The following DNAAF4 variants were observed in gnomAD, a reference collection of about 807,000 sequenced individuals.
The protein encoded by DNAAF4 is dynein axonemal assembly factor 4.
Under a neutral mutation model 51.8 loss-of-function variants are expected in DNAAF4, and 43 were observed. That is an observed-to-expected ratio of 0.83 (90% CI 0.65 to 1.07). The LOEUF (loss-of-function observed/expected upper bound fraction) is 1.07. DNAAF4 is among the 50% of genes least tolerant of loss of function. The pLI is 0.00. For synonymous variants in DNAAF4, 194 were observed against 165.6 expected (o/e 1.17, Z -1.32); for missense variants, 581 against 493.0 (o/e 1.18, Z -1.69).
chr15:55,446,302 G>T (rs1161010465), intron 6 of DNAAF4, among the ~76,000 whole-genome samples: 3 of 113,138 alleles, frequency 2.7e-5, no homozygotes, highest in Admixed American at 8.5e-5. Flanking sequence ...CAGACGGGGG[G>T]GGGGGGCAGC....
chr15:55,490,833 A>T (rs1035906271), intron 4 of DNAAF4, among the ~76,000 whole-genome samples: 1 of 152,168 alleles, frequency 6.6e-6, no homozygotes, highest in African/African-American at 2.4e-5. Context: ...AGGTGCCTGT[A>T]GTCCCAGCTA....
chr15:55,501,531 G>T (rs1008521171), intron 1 of DNAAF4, among the ~76,000 whole-genome samples: 4 of 149,478 alleles, frequency 2.7e-5, no homozygotes, highest in Admixed American at 6.7e-5. Context: ...GCCCGCCACC[G>T]CATCCGGCTG....
intron 5 of DNAAF4, among the ~76,000 whole-genome samples, chr15:55,450,750 C>T (rs1018556936): frequency 2.0e-5 from 3 of 152,180 alleles, no homozygotes; most frequent in South Asian, 2.1e-4. Flanking sequence ...ACTTTATCTC[C>T]TATATGCTTT....
chr15:55,471,749 G>A (rs1038015054), intron 4 of DNAAF4, among the ~76,000 whole-genome samples: 7 of 152,060 alleles, frequency 4.6e-5, no homozygotes, highest in Non-Finnish European at 1.0e-4. Context: ...TCCTGACCTC[G>A]TGATCTGCCC....
intron 7 of DNAAF4, among the ~76,000 whole-genome samples, chr15:55,421,920 AAT>A (rs919577334): frequency 6.8e-6 from 1 of 146,264 alleles, no homozygotes; most frequent in African/African-American, 2.5e-5. Context: ...TAATAATAAT[AAT>A]AATAATAATA....
intron 1 of DNAAF4, among the ~76,000 whole-genome samples, chr15:55,507,273 G>A (rs1019676584): frequency 2.0e-5 from 3 of 152,108 alleles, no homozygotes; most frequent in African/African-American, 7.2e-5. Flanking sequence ...CCCATCATAA[G>A]TTGAAAATAT....
intron 5 of DNAAF4, among the ~76,000 whole-genome samples, chr15:55,452,618 A>G (rs964219291): frequency 1.3e-5 from 2 of 152,220 alleles, no homozygotes; most frequent in Non-Finnish European, 1.5e-5. Context: ...CTTTTACTAC[A>G]AAGTTTTACA....
chr15:55,483,338 G>A (rs545635409), intron 4 of DNAAF4, among the ~76,000 whole-genome samples: 283 of 151,448 alleles, frequency 1.9e-3, no homozygotes, highest in Non-Finnish European at 3.3e-3. Flanking sequence ...CTTGTGATCC[G>A]CCCCCCTCAG....
chr15:55,466,930 CT>C lies in DNAAF4; in HGVS notation c.636del (p.Arg214GlufsTer11). 1.3e-6 allele frequency: 2 copies of C among 1,583,184 alleles called. No individual in the cohort carries two copies. Among genetic ancestry groups the C allele is most frequent in the Non-Finnish European group, 1.7e-6 (2 of 1,172,938 alleles). On this transcript the variant is annotated frameshift_variant and splice_region_variant, in exon 5 of 10. Transcript: ENST00000321149. LOFTEE classifies it high-confidence loss of function. Reference sequence around the variant, plus strand: ...CTCAAGAAATTCTTAATCATTTTACCTTTTGGAGCAAGATTTCTAGATGCCA... The same window carrying C: ...CTCAAGAAATTCTTAATCATTTTACCTTTGGAGCAAGATTTCTAGATGCCA... The part of the protein sequence containing the change: ...RNLASRNLAP[K>X]GRNSENIFTE...
intron 4 of DNAAF4, among the ~76,000 whole-genome samples, chr15:55,476,720 A>G (rs1311787018): frequency 6.6e-6 from 1 of 152,236 alleles, no homozygotes; most frequent in African/African-American, 2.4e-5. Context: ...CAAATATTGT[A>G]TAATTCCACT....
At position 55,437,780 on chromosome 15, in the gene DNAAF4, C is replaced by T. The variant is rs973833635; in HGVS notation, c.893+1692G>A. Among the ~76,000 whole-genome samples the T allele has an allele frequency of 3.9e-5, 6 of 152,024 alleles. No homozygotes were observed. The South Asian group carries it at 1.0e-3, about 26-fold the overall frequency. The stretch of plus-strand genomic sequence containing the variant: ...CAAGGAATGCAAACAGCTTAGAAGC[C>T]GGAAATTTAAGAAAACAGCTTTTCT... On this transcript the variant is annotated intron_variant, in intron 7 of 9. Coordinates refer to ENST00000321149, the MANE Select transcript of DNAAF4 (RefSeq NM_130810.4).
At chr15:55,489,331 T>G (rs1355686955) in intron 4 of DNAAF4, among the ~76,000 whole-genome samples, 1 of 152,110 alleles carries the variant, frequency 6.6e-6, no homozygotes, top group Non-Finnish European at 1.5e-5. Flanking sequence ...TTAAGTATGC[T>G]AAAGGCAGGA....
intron 6 of DNAAF4, among the ~76,000 whole-genome samples, chr15:55,440,088 G>A (rs2057683695): frequency 6.6e-6 from 1 of 151,468 alleles, no homozygotes; most frequent in Admixed American, 6.6e-5. Context: ...ATCTTGCTCT[G>A]TCACCCAGGC....
At chr15:55,480,329 G>A (rs570995722) in intron 4 of DNAAF4, among the ~76,000 whole-genome samples, 1 of 151,962 alleles carries the variant, frequency 6.6e-6, no homozygotes, top group African/African-American at 2.4e-5. Flanking sequence ...ACTGGGGGTG[G>A]GATCCCCCGA....
At chr15:55,462,679 G>C (rs1217155752) in intron 5 of DNAAF4, among the ~76,000 whole-genome samples, 7 of 148,922 alleles carry the variant, frequency 4.7e-5, no homozygotes, top group Non-Finnish European at 1.5e-5. Context: ...GATGAACACA[G>C]ATGTAACACT....
chr15:55,492,589 G>C (rs2058589768), intron 3 of DNAAF4, among the ~76,000 whole-genome samples: 1 of 151,834 alleles, frequency 6.6e-6, no homozygotes, highest in African/African-American at 2.4e-5. Context: ...TGCCAGGCTG[G>C]AGTGCTGTGG....
downstream of DNAAF4, among the ~76,000 whole-genome samples, chr15:55,426,576 C>T (rs552563602): frequency 6.6e-6 from 1 of 152,230 alleles, no homozygotes; most frequent in East Asian, 1.9e-4. Flanking sequence ...ATTACAGGTG[C>T]TTGCCACCAT....
chr15:55,455,491 G>A (rs1195520594), intron 5 of DNAAF4, among the ~76,000 whole-genome samples: 1 of 150,870 alleles, frequency 6.6e-6, no homozygotes, highest in East Asian at 2.0e-4. Context: ...GAATGCAGTG[G>A]CGCGATCTTG....
Position 55,469,877 on chromosome 15 carries a change from G to A in DNAAF4, c.406-2716C>T, listed in dbSNP as rs148813261. Among the ~76,000 whole-genome samples the A allele has an allele frequency of 3.7e-3, 568 of 152,040 alleles. 5 individuals are homozygous for A. The highest frequency in any genetic ancestry group is 0.013 in the African/African-American group (539 of 41,476). ...CCGGAGTTAGCATTAGATCCCACAG[G>A]TTAAGGGCTCAATTCCATAAGACAG... On this transcript the variant is annotated intron_variant, in intron 4 of 9. Transcript: ENST00000321149.
Sources: allele counts gnomAD v4.1 joint callset (sites outside exome capture counted in the v4.1 genomes callset), GRCh38; gene constraint gnomAD v4.1.1; transcripts MANE v1.5; gene names NCBI Gene and HGNC (gene_info 2026-07-23, HGNC 2026-07-21).